Variants in FAT1 observed in about 807,000 individuals in gnomAD.
FAT1 encodes protocadherin Fat 1.
FAT1 carries 171 observed loss-of-function variants against 329.8 expected under a neutral mutation model. That is an observed-to-expected ratio of 0.52 (90% CI 0.46 to 0.59). FAT1 has a LOEUF of 0.59. FAT1 is among the 20% of genes least tolerant of loss of function. The probability of loss-of-function intolerance (pLI) is 0.00; values close to 1 mark genes in which losing one functional copy is unlikely to be tolerated. For synonymous variants in FAT1, 2,233 were observed against 2,228.6 expected, an observed-to-expected ratio of 1.00 and a Z score of -0.06; for missense variants, 5,672 against 5,774.4, an observed-to-expected ratio of 0.98 and a Z score of 0.57.
Position 186,619,435 on chromosome 4 carries a change from T to C in FAT1, c.7151A>G (p.Asn2384Ser), listed in dbSNP as rs139480903. Residue 2384 changes from asparagine to serine, a missense_variant, in exon 10 of 27, where the codon AAT becomes AGT. Asn to Ser is a conservative substitution (Grantham distance 46). Around this residue, in one of 2 missense-constraint regions of FAT1, gnomAD observed 3,966 missense variants for 3,915.2 expected, o/e 1.01. Transcript: ENST00000441802. ...TTGTTCAAAGAGTGGTGGATTATCATTGAGGTCGGTAACGTCCACCGTGAC... is the reference window on the plus strand; with the variant it reads ...TTGTTCAAAGAGTGGTGGATTATCACTGAGGTCGGTAACGTCCACCGTGAC... ...VIVTVDVTDL[N>S]DNPPLFEQQI... is the part of the protein sequence containing the mutation. 1.1e-5 allele frequency: 17 copies of C among 1,614,036 alleles called. No individual in the cohort carries two copies. Among genetic ancestry groups the C allele is most frequent in the Middle Eastern group, 1.7e-4 (1 of 6,060 alleles).
Position 186,619,045 on chromosome 4 carries a change from ACCT to A in FAT1, c.7538_7540del (p.Glu2513del), listed in dbSNP as rs1375804490. On this transcript the variant is annotated inframe_deletion, in exon 10 of 27. Transcript: ENST00000441802. ...ACCAGAATCCCCATCCGTAGTTTTC[ACCT>A]CCATCACCAGGGTATGTAGGGGAGC... is the stretch of plus-strand genomic sequence containing the variant. The A allele has an allele frequency of 6.2e-7, 1 of 1,613,776 alleles. No homozygotes were observed. The highest frequency in any genetic ancestry group is 8.5e-7 in the Non-Finnish European group (1 of 1,179,892).
At position 186,706,916 on chromosome 4, in the gene FAT1, T is replaced by C. The variant is rs1744644602; in HGVS notation, c.2912A>G (p.Glu971Gly). ...QVRYSLLDHG[E>G]GNFDVDKLSG... ...GAGTTTATCCACATCGAAGTTTCCTTCTCCGTGGTCCAGAAGGCTGTATCT... is the reference window on the plus strand; with the variant it reads ...GAGTTTATCCACATCGAAGTTTCCTCCTCCGTGGTCCAGAAGGCTGTATCT... Residue 971 changes from glutamate (E) to glycine (G), a missense_variant, in exon 2 of 27, where the codon GAA becomes GGA. Glu to Gly is a moderately conservative substitution (Grantham distance 98). Coordinates refer to ENST00000441802, the MANE Select transcript of FAT1 (RefSeq NM_005245.4). 1 of 1,613,824 alleles carries C rather than the reference T, an allele frequency of 6.2e-7. No individual in the cohort carries two copies. The highest frequency in any genetic ancestry group is 1.1e-5 in the South Asian group (1 of 91,074).
At chr4:186,657,079 CG>C (rs1268834832) in intron 3 of FAT1, among the ~76,000 whole-genome samples, 4 of 152,088 alleles carry the variant, frequency 2.6e-5, no homozygotes, top group African/African-American at 9.7e-5. Flanking sequence ...GGGACACCCA[CG>C]ATCGCAGCAG....
chr4:186,608,543 A>G, intron 16 of FAT1, among the ~76,000 whole-genome samples: 1 of 152,086 alleles, frequency 6.6e-6, no homozygotes, highest in African/African-American at 2.4e-5. Context: ...ACCACACCCG[A>G]CATTTTTTCT....
At chr4:186,642,386 T>C (rs7654101) in intron 3 of FAT1, among the ~76,000 whole-genome samples, 5,937 of 152,276 alleles carry the variant, frequency 0.039, 398 homozygotes, top group African/African-American at 0.14. Flanking sequence ...ACGAGGACAG[T>C]GGCTGTCTTT....
At position 186,708,681 on chromosome 4, in the gene FAT1, T is replaced by C. The variant is rs1277167509; in HGVS notation, c.1147A>G (p.Asn383Asp). The change falls in exon 2 of 27, where the codon AAC becomes GAC. Residue 383 changes from asparagine (N) to aspartate (D), a missense_variant. Around this residue, in one of 2 missense-constraint regions of FAT1, gnomAD observed 3,966 missense variants for 3,915.2 expected, o/e 1.01. Coordinates refer to ENST00000441802, the MANE Select transcript of FAT1 (RefSeq NM_005245.4). ...RAEISEFAPP[N>D]TPVVMVKAIP... ...GCCTTTACCATGACCACAGGTGTGT[T>C]GGGAGGAGCAAATTCACTTATTTCT... is the stretch of plus-strand genomic sequence containing the variant. 10 of 1,613,766 alleles carry C rather than the reference T, an allele frequency of 6.2e-6. No individual in the cohort carries two copies. The African/African-American group carries it at 6.7e-5, about 11-fold the overall frequency.
chr4:186,710,018 A>G (rs1173202663), intron 1 of FAT1, among the ~76,000 whole-genome samples, 173 bp from the exon 2 acceptor site: 1 of 152,234 alleles, frequency 6.6e-6, no homozygotes, highest in Non-Finnish European at 1.5e-5. Context: ...ACATTCTTGT[A>G]ACATGTCTAG....
intron 21 of FAT1, among the ~76,000 whole-genome samples, chr4:186,600,749 C>T (rs191302378): frequency 2.2e-4 from 34 of 152,314 alleles, no homozygotes; most frequent in Middle Eastern, 6.8e-3. Context: ...TCACTCTTGT[C>T]GCCCAGGCTG....
intron 1 of FAT1, among the ~76,000 whole-genome samples, chr4:186,712,681 G>C (rs1253474353): frequency 6.6e-6 from 1 of 152,184 alleles, no homozygotes; most frequent in Non-Finnish European, 1.5e-5. Context: ...AAAGGGTCAG[G>C]GCTTACACTA....
chr4:186,613,443 T>A (rs1051221523), intron 12 of FAT1, 101 bp from the exon 13 acceptor site: 1 of 850,346 alleles, frequency 1.2e-6, no homozygotes, highest in African/African-American at 1.7e-5. Flanking sequence ...TTAGTCTGAG[T>A]ATTCACAGCC....
chr4:186,613,435 A>AG, intron 12 of FAT1, 93 bp from the exon 13 acceptor site: 1 of 930,588 alleles, frequency 1.1e-6, no homozygotes, highest in Non-Finnish European at 1.7e-6. Flanking sequence ...TCAATTACTT[A>AG]GTCTGAGTAT....
At chr4:186,614,161 A>G (rs777741492) in intron 12 of FAT1, 30 bp downstream of exon 12, 3 of 1,566,512 alleles carry the variant, frequency 1.9e-6, no homozygotes, top group African/African-American at 1.4e-5. Context: ...TGGAATATAC[A>G]ATTTATTTTG....
chr4:186,650,751 T>C (rs1406245856), intron 3 of FAT1, among the ~76,000 whole-genome samples: 1 of 152,160 alleles, frequency 6.6e-6, no homozygotes, highest in Non-Finnish European at 1.5e-5. Flanking sequence ...AGGGAAGATA[T>C]GAGAGGTCAG....
intron 3 of FAT1, among the ~76,000 whole-genome samples, chr4:186,658,504 G>T (rs1157388945): frequency 1.3e-5 from 2 of 152,166 alleles, no homozygotes; most frequent in Non-Finnish European, 2.9e-5. Flanking sequence ...TTTCCAAAAA[G>T]ACTTTTATTT....
At chr4:186,690,049 CT>C (rs1259581045) in intron 2 of FAT1, among the ~76,000 whole-genome samples, 2 of 152,122 alleles carry the variant, frequency 1.3e-5, no homozygotes, top group Non-Finnish European at 2.9e-5. Context: ...TTCCCTATCC[CT>C]ATAGGATAGC....
intron 1 of FAT1, among the ~76,000 whole-genome samples, chr4:186,722,724 G>A (rs1745516395): frequency 6.6e-6 from 1 of 152,112 alleles, no homozygotes; most frequent in Non-Finnish European, 1.5e-5. Flanking sequence ...CTGAATATAC[G>A]AAGCATTAAG....
At chr4:186,693,753 C>T (rs1743903683) in intron 2 of FAT1, among the ~76,000 whole-genome samples, 1 of 152,192 alleles carries the variant, frequency 6.6e-6, no homozygotes, top group Non-Finnish European at 1.5e-5. Flanking sequence ...AGGCTAAATG[C>T]CATTCTCTGT....
At chr4:186,665,648 T>C (rs1050607259) in intron 2 of FAT1, among the ~76,000 whole-genome samples, 3 of 152,198 alleles carry the variant, frequency 2.0e-5, no homozygotes, top group African/African-American at 7.2e-5. Context: ...GGTTGCCTCT[T>C]CACTCTGATG....
intron 7 of FAT1, among the ~76,000 whole-genome samples, chr4:186,631,024 G>A (rs1465241335): frequency 1.3e-5 from 2 of 152,198 alleles, no homozygotes; most frequent in African/African-American, 2.4e-5. Context: ...TGTTTCCGCA[G>A]GGCACTGGCA....
Sources: gnomAD v4.1 joint callset for allele counts (sites outside exome capture counted in the v4.1 genomes callset) on GRCh38, gnomAD v4.1.1 for gene constraint, gnomAD v4.1.1 regional missense constraint, MANE v1.5 for transcripts, NCBI Gene and HGNC (gene_info 2026-07-23, HGNC 2026-07-21) for gene names.